Variants in MBNL2 observed in about 807,000 individuals in gnomAD.
The protein encoded by MBNL2 is muscleblind like splicing regulator 2.
MBNL2 carries 17 observed loss-of-function variants against 41.9 expected under a neutral mutation model. That is an observed-to-expected ratio of 0.41 (90% CI 0.28 to 0.61). The LOEUF is 0.61. Among genes scored for constraint, MBNL2 ranks in the 20% least tolerant of loss-of-function variants. The pLI is 0.35. For missense variants in MBNL2, 336 were observed against 505.6 expected, an observed-to-expected ratio of 0.66 and a Z score of 3.22; for synonymous variants, 195 against 182.9, an observed-to-expected ratio of 1.07 and a Z score of -0.53.
At chr13:97,297,775 C>G (rs1298850040) in intron 2 of MBNL2, among the ~76,000 whole-genome samples, 1 of 152,156 alleles carries the variant, frequency 6.6e-6, no homozygotes. Flanking sequence ...TGGTTTGCCT[C>G]CCAGTTTCAA....
At chr13:97,281,411 A>G (rs967912855) in intron 2 of MBNL2, among the ~76,000 whole-genome samples, 4 of 152,228 alleles carry the variant, frequency 2.6e-5, no homozygotes, top group Admixed American at 6.5e-5. Context: ...CAAATTTTCA[A>G]GTAAATAATT....
intron 2 of MBNL2, among the ~76,000 whole-genome samples, chr13:97,318,421 A>G (rs980437315): frequency 6.6e-6 from 1 of 152,138 alleles, no homozygotes; most frequent in African/African-American, 2.4e-5. Flanking sequence ...CTGTCTGTCA[A>G]ATAGGGATAT....
intron 5 of MBNL2, among the ~76,000 whole-genome samples, chr13:97,348,508 A>C (rs1238765837): frequency 6.6e-6 from 1 of 152,184 alleles, no homozygotes; most frequent in African/African-American, 2.4e-5. Flanking sequence ...TGTGATAGGC[A>C]CTATGCATTC....
chr13:97,305,170 C>G (rs1324700337), intron 2 of MBNL2, among the ~76,000 whole-genome samples: 1 of 152,206 alleles, frequency 6.6e-6, no homozygotes, highest in African/African-American at 2.4e-5. Context: ...GACTTCTTAT[C>G]AGGAGTTCTG....
rs1217552395 is a variant in MBNL2, at chr13:97,392,247, A to G, written c.*798A>G. On this transcript the variant is annotated 3_prime_UTR_variant, in exon 9 of 9. Transcript: ENST00000679496. ...AACTCACCATCCAGTTGCCTGTTAC[A>G]GAATAACTCTTCTTAACTAAAAACC... 1 of 152,610 alleles carries G rather than the reference A, an allele frequency of 6.6e-6. No individual in the cohort carries two copies. Among genetic ancestry groups the G allele is most frequent in the Non-Finnish European group, 1.5e-5 (1 of 68,008 alleles). 9.5% of individuals were successfully genotyped at this position (152,610 alleles called of 1,614,324 possible). A position where few individuals can be genotyped will look rare whatever the true frequency, so the allele number is the denominator to read the frequency against.
intron 2 of MBNL2, among the ~76,000 whole-genome samples, chr13:97,315,643 T>A (rs1389590764): frequency 6.6e-6 from 1 of 152,114 alleles, no homozygotes; most frequent in Non-Finnish European, 1.5e-5. Context: ...AATAGAGGAA[T>A]GGAAACAGCT....
At chr13:97,220,793 T>C (rs368568976), upstream of MBNL2, among the ~76,000 whole-genome samples, 7 of 152,218 alleles carry the variant, frequency 4.6e-5, no homozygotes, top group African/African-American at 1.7e-4. Flanking sequence ...CAAAGATAAC[T>C]GAAGTTTCAG....
At chr13:97,189,643 C>T in the MBNL2 span, among the ~76,000 whole-genome samples, 1 of 152,046 alleles carries the variant, frequency 6.6e-6, no homozygotes, top group Admixed American at 6.5e-5. Flanking sequence ...TATGTGTGTC[C>T]ATTTGCATAC....
the MBNL2 span, among the ~76,000 whole-genome samples, chr13:97,173,737 A>G: frequency 6.6e-6 from 1 of 152,112 alleles, no homozygotes; most frequent in African/African-American, 2.4e-5. Flanking sequence ...TCCCCCACAA[A>G]CAGCAGGATA....
intron 2 of MBNL2, among the ~76,000 whole-genome samples, chr13:97,309,102 T>TA (rs923054045): frequency 6.6e-6 from 1 of 151,960 alleles, no homozygotes; most frequent in Non-Finnish European, 1.5e-5. Flanking sequence ...GACTGCAGCA[T>TA]AAAAAACCAT....
chr13:97,335,060 C>A (rs1257511586), intron 3 of MBNL2, among the ~76,000 whole-genome samples: 1 of 152,180 alleles, frequency 6.6e-6, no homozygotes, highest in Non-Finnish European at 1.5e-5. Flanking sequence ...CAGAGGCCTG[C>A]AAAAGCTGTG....
chr13:97,212,011 A>G, the MBNL2 span, among the ~76,000 whole-genome samples: 1 of 152,130 alleles, frequency 6.6e-6, no homozygotes, highest in Admixed American at 6.5e-5. Context: ...TCAAAGAAAG[A>G]TCTCCAAGCT....
chr13:97,179,992 T>C, the MBNL2 span, among the ~76,000 whole-genome samples: 1 of 152,200 alleles, frequency 6.6e-6, no homozygotes, highest in African/African-American at 2.4e-5. Context: ...CTGACCAGAT[T>C]TTCATAAAAA....
chr13:97,235,140 G>C (rs1473730662), intron 1 of MBNL2, among the ~76,000 whole-genome samples: 1 of 152,128 alleles, frequency 6.6e-6, no homozygotes, highest in Non-Finnish European at 1.5e-5. Flanking sequence ...CCCAGAGCTT[G>C]ATCTGAAGCT....
chr13:97,181,566 A>G, the MBNL2 span, among the ~76,000 whole-genome samples: 2 of 152,212 alleles, frequency 1.3e-5, no homozygotes, highest in Non-Finnish European at 2.9e-5. Context: ...GCTCCTAAAA[A>G]ATTCTCCCTT....
chr13:97,249,069 T>C (rs1313148877), intron 1 of MBNL2, among the ~76,000 whole-genome samples: 2 of 152,230 alleles, frequency 1.3e-5, no homozygotes, highest in Non-Finnish European at 2.9e-5. Flanking sequence ...TTTACCTTGA[T>C]ACTTAGTTTT....
Position 97,261,499 on chromosome 13 carries a change from C to A in MBNL2, c.-604-14133C>A, listed in dbSNP as rs192299824. ...CAAGACCTTGACCTTTGAAATTTGGCAGCACCCTTTTTCTGCCTCTGCTTT... is the reference window on the plus strand; with the variant it reads ...CAAGACCTTGACCTTTGAAATTTGGAAGCACCCTTTTTCTGCCTCTGCTTT... On this transcript the variant is annotated intron_variant, in intron 1 of 8. Coordinates refer to ENST00000679496, the MANE Select transcript of MBNL2 (RefSeq NM_001382683.1). 5.9e-5 allele frequency among the ~76,000 whole-genome samples: 9 copies of A among 152,276 alleles called. No individual in the cohort carries two copies. The East Asian group carries it at 1.5e-3, about 26-fold the overall frequency.
the MBNL2 span, among the ~76,000 whole-genome samples, chr13:97,161,798 A>G: frequency 6.6e-6 from 1 of 152,196 alleles, no homozygotes; most frequent in African/African-American, 2.4e-5. Flanking sequence ...TGTACAGATT[A>G]CCTAGAACTG....
rs905647422 is a variant in MBNL2 at position 97,275,837 on chromosome 13, A to G, written c.-399A>G. The G allele has an allele frequency of 6.3e-6, 1 of 157,696 alleles. No individual in the cohort carries two copies. The highest frequency in any genetic ancestry group is 1.4e-5 in the Non-Finnish European group (1 of 71,720). The allele number at this position is 157,696 out of a possible 1,614,324, so 9.8% of individuals were successfully genotyped here. The stretch of plus-strand genomic sequence containing the variant: ...GGAAAGAAAAACATCCTGCTAAAAT[A>G]TGAACATCTGAGTGTCTTATTTTCC... On this transcript the variant is annotated 5_prime_UTR_variant, in exon 2 of 9. It adds an upstream start codon to the 5' untranslated region. Coordinates refer to ENST00000679496, the MANE Select transcript of MBNL2 (RefSeq NM_001382683.1).
Sources: allele counts gnomAD v4.1 joint callset (sites outside exome capture counted in the v4.1 genomes callset), GRCh38; gene constraint gnomAD v4.1.1; transcripts MANE v1.5; gene names NCBI Gene and HGNC (gene_info 2026-07-23, HGNC 2026-07-21).